Variants in SDK1 observed in about 807,000 individuals in gnomAD.
SDK1 encodes the protein protein sidekick-1.
A neutral mutation model predicts 245.5 loss-of-function variants in SDK1; 157 were observed. The observed-to-expected ratio is 0.64, with a 90% CI of 0.56 to 0.73. The LOEUF (loss-of-function observed/expected upper bound fraction) is 0.73. Ranked by LOEUF, SDK1 falls within the 30% of genes least tolerant of loss-of-function variation. The pLI, the probability that SDK1 is intolerant of heterozygous loss-of-function variation, is 0.00. For synonymous variants in SDK1, 1,647 were observed against 1,278.5 expected (o/e 1.29, Z -6.15); for missense variants, 3,583 against 3,002.3 (o/e 1.19, Z -4.52).
chr7:3,664,430 A>G (rs1210223451), intron 4 of SDK1, among the ~76,000 whole-genome samples: 3 of 152,012 alleles, frequency 2.0e-5, no homozygotes, highest in Non-Finnish European at 4.4e-5. Flanking sequence ...AGCCTTTTTC[A>G]TTGTGCTTAT....
chr7:4,162,475 C>T (rs1021485058), intron 32 of SDK1, among the ~76,000 whole-genome samples: 1 of 151,662 alleles, frequency 6.6e-6, no homozygotes, highest in African/African-American at 2.4e-5. Flanking sequence ...TCTAGGCTCC[C>T]TGCAACCTCT....
intron 22 of SDK1, among the ~76,000 whole-genome samples, chr7:4,094,709 A>G (rs1562800794): frequency 2.0e-5 from 3 of 152,300 alleles, no homozygotes; most frequent in Middle Eastern, 3.4e-3. Flanking sequence ...CAAACCATTG[A>G]CATCGGGATT....
rs1464778737 is a variant in SDK1, at chr7:3,872,578, A to G, written c.847+50995A>G. On this transcript the variant is annotated intron_variant, in intron 5 of 44. Transcript: ENST00000404826. ...TTATGGTCATAGGATTGTTTTTGGTATCTTTTTTTTTTTTTTTACATATGT... is the reference window on the plus strand; with the variant it reads ...TTATGGTCATAGGATTGTTTTTGGTGTCTTTTTTTTTTTTTTTACATATGT... Among the ~76,000 whole-genome samples the G allele has an allele frequency of 6.2e-5, 7 of 113,002 alleles. No homozygotes were observed. The East Asian group carries it at 1.3e-3, about 20-fold the overall frequency. The allele number at this position is 113,002 out of a possible 152,430, so 74.1% of individuals were successfully genotyped here.
chr7:3,596,495 G>C (rs140972403), intron 1 of SDK1, among the ~76,000 whole-genome samples: 1 of 152,304 alleles, frequency 6.6e-6, no homozygotes, highest in African/African-American at 2.4e-5. Flanking sequence ...GAATTTCATA[G>C]ATGTTAAGTG....
intron 5 of SDK1, among the ~76,000 whole-genome samples, chr7:3,934,335 A>G (rs1466914132): frequency 6.6e-6 from 1 of 152,052 alleles, no homozygotes; most frequent in Non-Finnish European, 1.5e-5. Flanking sequence ...TTCTCCAGGG[A>G]CTGGGGATTG....
chr7:3,987,249 GGTGCTCTCTTGGGTCC>G lies in SDK1; in HGVS notation c.2060_2075del (p.Val687GlyfsTer34). ...CTAATTCTTCCCACAGCCACGCCGT[GGTGCTCTCTTGGGTCC>G]GGCCCTTTGATGGAAACAGTCCTAT... is the stretch of plus-strand genomic sequence containing the variant. On this transcript the variant is annotated frameshift_variant, in exon 14 of 45. Coordinates refer to ENST00000404826, the MANE Select transcript of SDK1 (RefSeq NM_152744.4). LOFTEE classifies it high-confidence loss of function. 1 of 1,614,074 alleles carries G rather than the reference GGTGCTCTCTTGGGTCC, an allele frequency of 6.2e-7. No homozygotes were observed. The highest frequency in any genetic ancestry group is 8.5e-7 in the Non-Finnish European group (1 of 1,179,970).
chr7:3,395,739 G>T (rs1781880561), intron 1 of SDK1, among the ~76,000 whole-genome samples: 1 of 151,738 alleles, frequency 6.6e-6, no homozygotes, highest in African/African-American at 2.4e-5. Flanking sequence ...TGACTTTTTA[G>T]GAATTTGTCT....
chr7:3,975,319 A>T (rs901996323), intron 13 of SDK1, among the ~76,000 whole-genome samples: 1 of 152,218 alleles, frequency 6.6e-6, no homozygotes, highest in Admixed American at 6.5e-5. Context: ...AGCACTCATC[A>T]AGGCAGTGGC....
At chr7:3,741,267 C>CA (rs1246888803) in intron 4 of SDK1, among the ~76,000 whole-genome samples, 1 of 152,090 alleles carries the variant, frequency 6.6e-6, no homozygotes, top group Non-Finnish European at 1.5e-5. Context: ...TTGGAGTAAC[C>CA]AAAACTTTAG....
chr7:3,502,366 C>T (rs1398304018), intron 1 of SDK1, among the ~76,000 whole-genome samples: 1 of 152,156 alleles, frequency 6.6e-6, no homozygotes, highest in Non-Finnish European at 1.5e-5. Context: ...TCTCTTGCCT[C>T]AGCCTCCCGA....
At chr7:3,625,289 A>G (rs577141974) in intron 2 of SDK1, among the ~76,000 whole-genome samples, 1 of 152,314 alleles carries the variant, frequency 6.6e-6, no homozygotes, top group Non-Finnish European at 1.5e-5. Flanking sequence ...AAATTTACAA[A>G]TATTTACAAG....
At chr7:3,326,955 T>C (rs1296065037) in intron 1 of SDK1, among the ~76,000 whole-genome samples, 1 of 152,204 alleles carries the variant, frequency 6.6e-6, no homozygotes, top group East Asian at 1.9e-4. Context: ...AGTGAGTTAA[T>C]TGATTTTCTT....
At chr7:3,376,326 T>TC (rs1781354343) in intron 1 of SDK1, among the ~76,000 whole-genome samples, 1 of 151,956 alleles carries the variant, frequency 6.6e-6, no homozygotes, top group South Asian at 2.1e-4. Flanking sequence ...GAATATGCAA[T>TC]CCCCAAGCCA....
chr7:3,346,366 A>G (rs562386929), intron 1 of SDK1, among the ~76,000 whole-genome samples: 11 of 152,196 alleles, frequency 7.2e-5, no homozygotes, highest in African/African-American at 2.6e-4. Flanking sequence ...CTGTTCATCT[A>G]GCTTCACTTT....
intron 43 of SDK1, among the ~76,000 whole-genome samples, chr7:4,242,413 A>G (rs1383117596): frequency 6.6e-6 from 1 of 152,184 alleles, no homozygotes; most frequent in Admixed American, 6.5e-5. Context: ...TTTCATCACC[A>G]TAGCCTCCTT....
At chr7:3,667,309 A>T (rs1046490414) in intron 4 of SDK1, among the ~76,000 whole-genome samples, 3 of 152,212 alleles carry the variant, frequency 2.0e-5, no homozygotes, top group Admixed American at 2.0e-4. Flanking sequence ...CATTATTACA[A>T]TGGTAACACC....
At chr7:3,565,214 A>C (rs1286226509) in intron 1 of SDK1, among the ~76,000 whole-genome samples, 1 of 152,134 alleles carries the variant, frequency 6.6e-6, no homozygotes, top group Non-Finnish European at 1.5e-5. Context: ...CTGTAGCAGG[A>C]AAATGGCCTC....
chr7:3,471,089 A>T (rs1400146009), intron 1 of SDK1, among the ~76,000 whole-genome samples: 3 of 152,178 alleles, frequency 2.0e-5, no homozygotes, highest in Admixed American at 6.5e-5. Flanking sequence ...GGTATATGGG[A>T]CATGAGTTGC....
At chr7:3,947,917 T>C (rs919703756) in intron 5 of SDK1, among the ~76,000 whole-genome samples, 2 of 152,026 alleles carry the variant, frequency 1.3e-5, no homozygotes, top group Non-Finnish European at 2.9e-5. Flanking sequence ...TTAGGGGAGA[T>C]TGCCTTAGGG....
Sources: gnomAD v4.1 joint callset for allele counts (sites outside exome capture counted in the v4.1 genomes callset) on GRCh38, gnomAD v4.1.1 for gene constraint, MANE v1.5 for transcripts, NCBI Gene and HGNC (gene_info 2026-07-23, HGNC 2026-07-21) for gene names.